The following JAZF1 variants were observed in gnomAD, a reference collection of about 807,000 sequenced individuals.
JAZF1 encodes JAZF zinc finger 1, also known as juxtaposed with another zinc finger protein 1.
In JAZF1, 8 loss-of-function variants were observed where a neutral mutation model predicts 26.4. The observed-to-expected ratio is 0.30, with a 90% CI of 0.18 to 0.55. The LOEUF (loss-of-function observed/expected upper bound fraction) is 0.55, where lower values mean the gene tolerates loss of function less well. Among genes scored for constraint, JAZF1 ranks in the 20% least tolerant of loss-of-function variants. The pLI is 0.94. For missense variants in JAZF1, 199 were observed against 322.0 expected (o/e 0.62, Z 2.92); for synonymous variants, 126 against 122.3 (o/e 1.03, Z -0.20).
chr7:28,121,151 G>A (rs1201819698), intron 1 of JAZF1, among the ~76,000 whole-genome samples: 3 of 138,100 alleles, frequency 2.2e-5, no homozygotes, highest in Non-Finnish European at 4.5e-5. Context: ...AGTGAGCCGA[G>A]ATCGCACTAC....
intron 1 of JAZF1, among the ~76,000 whole-genome samples, chr7:28,029,899 C>T (rs746562973): frequency 3.6e-4 from 55 of 152,338 alleles, no homozygotes; most frequent in Non-Finnish European, 4.9e-4. Context: ...CTACACATTT[C>T]TTGAAAGTCA....
chr7:28,119,667 A>T (rs940380689), intron 1 of JAZF1, among the ~76,000 whole-genome samples: 4 of 152,140 alleles, frequency 2.6e-5, no homozygotes, highest in African/African-American at 4.8e-5. Flanking sequence ...GTACTTTCTC[A>T]AAAACCTTCC....
chr7:27,978,189 T>A (rs1785507554), intron 2 of JAZF1, among the ~76,000 whole-genome samples: 2 of 152,218 alleles, frequency 1.3e-5, no homozygotes, highest in Admixed American at 1.3e-4. Context: ...AATTCATTTA[T>A]TCATTCAATA....
At chr7:28,156,559 T>C (rs1783189039) in intron 1 of JAZF1, among the ~76,000 whole-genome samples, 1 of 152,232 alleles carries the variant, frequency 6.6e-6, no homozygotes, top group South Asian at 2.1e-4. Context: ...ATTATAGTTA[T>C]GAATTAACGC....
At chr7:27,916,264 A>G (rs1784442651) in intron 2 of JAZF1, among the ~76,000 whole-genome samples, 1 of 152,186 alleles carries the variant, frequency 6.6e-6, no homozygotes, top group South Asian at 2.1e-4. Context: ...GGAAAAGAAA[A>G]AAAAAAAATG....
intron 1 of JAZF1, among the ~76,000 whole-genome samples, chr7:28,085,803 A>T (rs1199943726): frequency 6.6e-6 from 1 of 152,260 alleles, no homozygotes; most frequent in Non-Finnish European, 1.5e-5. Flanking sequence ...TACCAAGAAG[A>T]AAATTTGCAG....
chr7:28,141,202 CAT>C (rs1782954736), intron 1 of JAZF1, among the ~76,000 whole-genome samples: 1 of 150,574 alleles, frequency 6.6e-6, no homozygotes, highest in Non-Finnish European at 1.5e-5. Context: ...ACTCAGAGAA[CAT>C]GTGACTTCTA....
chr7:28,135,296 G>A (rs1368166180), intron 1 of JAZF1, among the ~76,000 whole-genome samples: 3 of 152,212 alleles, frequency 2.0e-5, no homozygotes, highest in African/African-American at 7.2e-5. Context: ...CTAACAAGCA[G>A]GCTGTGTTGC....
At chr7:27,945,245 T>A (rs749048419) in intron 2 of JAZF1, among the ~76,000 whole-genome samples, 9 of 151,710 alleles carry the variant, frequency 5.9e-5, no homozygotes, top group South Asian at 2.1e-4. Flanking sequence ...CAGAATTGAG[T>A]GTGGGTGTTG....
intron 1 of JAZF1, among the ~76,000 whole-genome samples, chr7:28,170,070 AC>A (rs1783430578): frequency 1.3e-5 from 2 of 152,030 alleles, no homozygotes; most frequent in African/African-American, 4.8e-5. Flanking sequence ...TCAGTGCTTA[AC>A]TCACAGTGTT....
intron 1 of JAZF1, among the ~76,000 whole-genome samples, chr7:28,039,969 G>A (rs776518511): frequency 2.0e-5 from 3 of 152,044 alleles, no homozygotes; most frequent in Non-Finnish European, 4.4e-5. Flanking sequence ...TGGCATTTTG[G>A]AATTTATTCT....
intron 1 of JAZF1, among the ~76,000 whole-genome samples, chr7:28,100,323 G>C (rs1784453674): frequency 6.6e-6 from 1 of 152,038 alleles, no homozygotes; most frequent in Non-Finnish European, 1.5e-5. Context: ...GCATCTCTCT[G>C]AGCTCGCCTA....
intron 1 of JAZF1, among the ~76,000 whole-genome samples, chr7:28,102,054 T>G (rs73302959): frequency 0.056 from 8,481 of 152,198 alleles, 750 homozygotes; most frequent in African/African-American, 0.19. Flanking sequence ...GGTACCACCC[T>G]GAGTGGGAGG....
intron 4 of JAZF1, among the ~76,000 whole-genome samples, chr7:27,838,527 A>G (rs1782860694): frequency 6.6e-6 from 1 of 152,154 alleles, no homozygotes; most frequent in Admixed American, 6.5e-5. Context: ...GGAATAAGAA[A>G]AGTCTGACTT....
intron 1 of JAZF1, among the ~76,000 whole-genome samples, chr7:28,179,463 C>T (rs1199379678): frequency 6.6e-6 from 1 of 152,104 alleles, no homozygotes; most frequent in Non-Finnish European, 1.5e-5. Context: ...GCGCAGGCCG[C>T]CGCCGATCCC....
chr7:27,846,393 ATATACG>A lies in JAZF1; in HGVS notation c.386-5532_386-5527del, dbSNP rs994188521. The A allele has an allele frequency of 1.9e-5, 7 of 365,302 alleles. No homozygotes were observed. In the African/African-American group the frequency reaches 2.5e-4, roughly 13 times the overall value. 22.6% of individuals were successfully genotyped at this position (365,302 alleles called of 1,614,324 possible). ...TATACGTACATGTACGTATATATAC[ATATACG>A]TATACATGTATATATATACATATAT... is the stretch of plus-strand genomic sequence containing the variant. On this transcript the variant is annotated intron_variant, in intron 3 of 4. Coordinates refer to ENST00000283928, the MANE Select transcript of JAZF1 (RefSeq NM_175061.4).
intron 2 of JAZF1, among the ~76,000 whole-genome samples, chr7:27,987,182 C>T (rs1415109063): frequency 1.3e-5 from 2 of 151,998 alleles, no homozygotes; most frequent in Non-Finnish European, 2.9e-5. Flanking sequence ...GCGCCTCTTC[C>T]CGGCCGCCAT....
chr7:27,903,891 C>A (rs1784206404), intron 2 of JAZF1, among the ~76,000 whole-genome samples: 1 of 152,216 alleles, frequency 6.6e-6, no homozygotes, highest in Non-Finnish European at 1.5e-5. Context: ...CTTTGTTCTG[C>A]CTTTTCAATG....
intron 1 of JAZF1, among the ~76,000 whole-genome samples, chr7:28,035,725 C>A (rs755239031): frequency 3.7e-4 from 57 of 152,064 alleles, no homozygotes; most frequent in Non-Finnish European, 6.3e-4. Flanking sequence ...CACAGAGTGA[C>A]AAGATGTAAA....
Sources: gnomAD v4.1 joint callset for allele counts (sites outside exome capture counted in the v4.1 genomes callset) on GRCh38, gnomAD v4.1.1 for gene constraint, MANE v1.5 for transcripts, NCBI Gene and HGNC (gene_info 2026-07-23, HGNC 2026-07-21) for gene names.